The following TRERF1 variants were observed in gnomAD, a reference collection of about 807,000 sequenced individuals.
TRERF1 encodes transcriptional-regulating factor 1.
TRERF1 carries 27 observed loss-of-function variants against 122.9 expected under a neutral mutation model. The ratio of observed to expected loss-of-function variants is 0.22; its 90% confidence interval spans 0.16 to 0.30. TRERF1 has a LOEUF of 0.30. Ranked by LOEUF, TRERF1 falls within the 10% of genes least tolerant of loss-of-function variation. The probability of loss-of-function intolerance (pLI) is 1.00; values close to 1 mark genes in which losing one functional copy is unlikely to be tolerated. For missense variants in TRERF1, 1,248 were observed against 1,560.3 expected, an observed-to-expected ratio of 0.80 and a Z score of 3.37; for synonymous variants, 636 against 641.7, an observed-to-expected ratio of 0.99 and a Z score of 0.13.
chr6:42,366,517 C>T (rs889237169), intron 2 of TRERF1, among the ~76,000 whole-genome samples: 1 of 152,188 alleles, frequency 6.6e-6, no homozygotes, highest in Non-Finnish European at 1.5e-5. Context: ...TGGCTCCTCC[C>T]TCCTCTTCCT....
At chr6:42,344,480 G>T (rs1316970015) in intron 3 of TRERF1, among the ~76,000 whole-genome samples, 2 of 152,132 alleles carry the variant, frequency 1.3e-5, no homozygotes, top group African/African-American at 4.8e-5. Flanking sequence ...AGGTCAGGAG[G>T]ATAGGTAAAA....
Position 42,234,706 on chromosome 6 carries a change from G to A in TRERF1, c.3066+1499C>T, listed in dbSNP as rs567429378. On this transcript the variant is annotated intron_variant, in intron 16 of 17. Coordinates refer to ENST00000372922, the Ensembl canonical transcript of TRERF1. ...TGACTTAGCAACCAAAGCCTCCATC[G>A]TTAGGCAAGGAATAAAATAAAACCA... 1.2e-4 allele frequency among the ~76,000 whole-genome samples: 18 copies of A among 152,200 alleles called. 1 individual carries two copies. In the South Asian group the frequency reaches 1.7e-3, roughly 14 times the overall value.
At chr6:42,287,728 A>G (rs1187571353) in intron 4 of TRERF1, among the ~76,000 whole-genome samples, 1 of 151,826 alleles carries the variant, frequency 6.6e-6, no homozygotes, top group African/African-American at 2.4e-5. Context: ...ATTCCTGCCC[A>G]CTTCTCCTGC....
chr6:42,344,155 C>A (rs1023822955), intron 3 of TRERF1, among the ~76,000 whole-genome samples: 5 of 152,204 alleles, frequency 3.3e-5, no homozygotes, highest in African/African-American at 1.2e-4. Context: ...GTCTCAAGGC[C>A]AGACTGGAGA....
chr6:42,265,767 C>T (rs1332524984), exon 6 of TRERF1: 19 of 1,613,398 alleles, frequency 1.2e-5, no homozygotes, highest in Non-Finnish European at 1.5e-5. Flanking sequence ...TCAGGGGACC[C>T]TGGCTGGGCT....
At chr6:42,264,472 C>A (rs1778787743) in intron 7 of TRERF1, among the ~76,000 whole-genome samples, 1 of 152,202 alleles carries the variant, frequency 6.6e-6, no homozygotes, top group African/African-American at 2.4e-5. Context: ...GCTGGGATGC[C>A]CTAAAAGGCT....
At chr6:42,271,022 C>G (rs1029169132) in intron 4 of TRERF1, among the ~76,000 whole-genome samples, 17 of 151,192 alleles carry the variant, frequency 1.1e-4, no homozygotes, top group Non-Finnish European at 2.2e-4. Flanking sequence ...CTGTCTCTAT[C>G]AAAAATACAA....
intron 3 of TRERF1, among the ~76,000 whole-genome samples, chr6:42,300,983 T>C (rs1324707335): frequency 6.6e-6 from 1 of 151,930 alleles, no homozygotes; most frequent in Non-Finnish European, 1.5e-5. Context: ...CTGGATGCAG[T>C]CTCTACACTT....
At chr6:42,296,071 C>T (rs530540931) in intron 4 of TRERF1, among the ~76,000 whole-genome samples, 32 of 152,212 alleles carry the variant, frequency 2.1e-4, no homozygotes, top group African/African-American at 7.5e-4. Context: ...GGGGGCCCTG[C>T]AAGGGAAACC....
exon 15 of TRERF1, chr6:42,243,303 A>G (rs770420808): frequency 8.1e-6 from 13 of 1,614,024 alleles, no homozygotes; most frequent in Non-Finnish European, 1.1e-5. Context: ...CCCCAGCCGC[A>G]TGATCTTTTT....
intron 2 of TRERF1, among the ~76,000 whole-genome samples, chr6:42,428,132 G>A (rs1367431160): frequency 6.6e-6 from 1 of 152,182 alleles, no homozygotes; most frequent in Non-Finnish European, 1.5e-5. Flanking sequence ...TTGGCCTCCT[G>A]AGCCTTATAT....
chr6:42,249,933 T>A (rs949365123), intron 13 of TRERF1, among the ~76,000 whole-genome samples: 1 of 152,224 alleles, frequency 6.6e-6, no homozygotes, highest in African/African-American at 2.4e-5. Context: ...AGTCCATCCC[T>A]GGGCTCTTGG....
chr6:42,390,329 C>T (rs1777509962), intron 2 of TRERF1, among the ~76,000 whole-genome samples: 1 of 152,120 alleles, frequency 6.6e-6, no homozygotes, highest in South Asian at 2.1e-4. Context: ...CACATCTTCC[C>T]CAAACTTGTT....
At chr6:42,262,176 A>T (rs925544517) in intron 8 of TRERF1, among the ~76,000 whole-genome samples, 11 of 152,072 alleles carry the variant, frequency 7.2e-5, no homozygotes, top group Non-Finnish European at 1.5e-4. Context: ...CTGACGGCTT[A>T]TGAGAATCTT....
At chr6:42,340,421 A>C (rs1429326446) in intron 3 of TRERF1, among the ~76,000 whole-genome samples, 1 of 152,108 alleles carries the variant, frequency 6.6e-6, no homozygotes, top group African/African-American at 2.4e-5. Context: ...CAAAACATGA[A>C]TATTGCTGCC....
At position 42,259,957 on chromosome 6, in the gene TRERF1, T is replaced by TG. The variant is rs1269300958; in HGVS notation, c.1885-235dup. ...AGAAATCCCTAATTTCTGAAAGAGC[T>TG]GGGGGTGGTAGGAATAGTGGGTGGG... On this transcript the variant is annotated intron_variant, in intron 8 of 17. Coordinates refer to ENST00000372922, the Ensembl canonical transcript of TRERF1. This position sits in a 1 kb window ranked among gnomAD's most constrained non-coding sequence, Gnocchi z 4.9. Among the ~76,000 whole-genome samples, 5 of 151,974 alleles carry TG rather than the reference T, an allele frequency of 3.3e-5. No individual in the cohort carries two copies. The highest frequency in any genetic ancestry group is 6.5e-5 in the Admixed American group (1 of 15,272).
intron 2 of TRERF1, among the ~76,000 whole-genome samples, chr6:42,432,003 T>C (rs781316891): frequency 1.3e-5 from 2 of 152,346 alleles, no homozygotes; most frequent in South Asian, 4.1e-4. Context: ...GGTAGTATAG[T>C]ATAGCAGTTA....
At chr6:42,288,994 T>TGTGTGTGTGTGTGTGA (rs772469518) in intron 4 of TRERF1, among the ~76,000 whole-genome samples, 7 of 141,726 alleles carry the variant, frequency 4.9e-5, no homozygotes, top group Admixed American at 2.1e-4. Flanking sequence ...TGTGTGTGTG[T>TGTGTGTGTGTGTGTGA]CAAAGCACAT....
At chr6:42,413,748 A>G (rs1781452272) in intron 2 of TRERF1, among the ~76,000 whole-genome samples, 1 of 152,150 alleles carries the variant, frequency 6.6e-6, no homozygotes, top group Non-Finnish European at 1.5e-5. Context: ...TTTTAACAAG[A>G]GCTCTAGACC....
Sources: allele counts gnomAD v4.1 joint callset (sites outside exome capture counted in the v4.1 genomes callset), GRCh38; gene constraint gnomAD v4.1.1; non-coding constraint Gnocchi (gnomAD v3.1); transcripts MANE v1.5; gene names NCBI Gene and HGNC (gene_info 2026-07-23, HGNC 2026-07-21).